The following SYTL4 variants were observed in gnomAD, a reference collection of about 807,000 sequenced individuals.
SYTL4 encodes the protein synaptotagmin like 4.
Under a neutral mutation model 52.7 loss-of-function variants are expected in SYTL4, and 16 were observed. That is an observed-to-expected ratio of 0.30 (90% CI 0.21 to 0.46). The LOEUF is 0.46. Among genes scored for constraint, SYTL4 ranks in the 20% least tolerant of loss-of-function variants. The pLI is 1.00. For synonymous variants in SYTL4, 160 were observed against 186.6 expected (o/e 0.86, Z 1.16); for missense variants, 423 against 519.9 (o/e 0.81, Z 1.81).
chrX:100,722,428 C>T (rs1436668931), intron 2 of SYTL4, among the ~76,000 whole-genome samples: 1 of 111,679 alleles, frequency 9.0e-6, no homozygotes, highest in Admixed American at 9.5e-5. Flanking sequence ...CCCATCTTAA[C>T]CCCTGCTCTA....
At chrX:100,681,512 C>T (rs2083375067) in intron 16 of SYTL4, among the ~76,000 whole-genome samples, 177 bp from the exon 17 acceptor site, 1 of 111,690 alleles carries the variant, frequency 9.0e-6, no homozygotes, top group Non-Finnish European at 1.9e-5. Flanking sequence ...GTTTCTATGG[C>T]AGTTTCTTTA....
chrX:100,692,357 A>AT (rs2083614984), intron 8 of SYTL4, among the ~76,000 whole-genome samples: 1 of 112,698 alleles, frequency 8.9e-6, no homozygotes, highest in Non-Finnish European at 1.9e-5. Context: ...GTGACCACGT[A>AT]TCTTATTTAC....
rs769194042 is a variant in SYTL4, at chrX:100,715,945, C to CA, written c.-239-11060dup. ...AGAATAAGACCTTTTCTCTCTCTCT[C>CA]AAAAAAAAAAAAAAAAAAAAAAGTG... On this transcript the variant is annotated intron_variant, in intron 2 of 19. Coordinates refer to ENST00000372989, the MANE Select transcript of SYTL4 (RefSeq NM_001370165.1). Among the ~76,000 whole-genome samples, 247 of 53,507 alleles carry CA rather than the reference C, an allele frequency of 4.6e-3. 1 individual carries two copies. Among genetic ancestry groups the CA allele is most frequent in the African/African-American group, 7.8e-3 (138 of 17,643 alleles). The allele number at this position is 53,507 out of a possible 115,157, so 46.5% of individuals were successfully genotyped here. A position where few individuals can be genotyped will look rare whatever the true frequency, so the allele number is the denominator to read the frequency against.
chrX:100,724,632 T>C (rs1460728852), intron 2 of SYTL4, among the ~76,000 whole-genome samples: 24 of 97,312 alleles, frequency 2.5e-4, no homozygotes, highest in East Asian at 6.3e-4. Context: ...GGATTAAGGG[T>C]GGTGCAAGAG....
Position 100,707,145 on chromosome X carries a change from T to C in SYTL4, c.-239-2259A>G, listed in dbSNP as rs150581194. ...AAAAAGTCTATATCCAACTGGAGAA[T>C]TACATTATTTTCAAGCACATATAGA... On this transcript the variant is annotated intron_variant, in intron 2 of 19. Transcript: ENST00000372989. Among the ~76,000 whole-genome samples the C allele has an allele frequency of 9.5e-3, 1,057 of 111,731 alleles. 16 individuals are homozygous for C. The highest frequency in any genetic ancestry group is 0.032 in the African/African-American group (997 of 30,832).
chrX:100,720,755 C>T (rs2084324558), intron 2 of SYTL4, among the ~76,000 whole-genome samples: 1 of 112,115 alleles, frequency 8.9e-6, no homozygotes, highest in Non-Finnish European at 1.9e-5. Flanking sequence ...TAAAAAATAA[C>T]CTGTAGTTGA....
chrX:100,709,679 T>G (rs2084027980), intron 2 of SYTL4, among the ~76,000 whole-genome samples: 1 of 112,494 alleles, frequency 8.9e-6, no homozygotes, highest in Admixed American at 9.4e-5. Flanking sequence ...CTTGTTTTTA[T>G]AAAGATTAAA....
At position 100,675,918 on chromosome X, in the gene SYTL4, A is replaced by ACG. The variant is rs1436222003; in HGVS notation, c.*109_*110insCG. 3.4e-5 allele frequency: 23 copies of ACG among 680,920 alleles called. No individual in the cohort carries two copies. Among genetic ancestry groups the ACG allele is most frequent in the Middle Eastern group, 8.3e-4 (2 of 2,398 alleles). The allele number at this position is 680,920 out of a possible 1,213,427, so 56.1% of individuals were successfully genotyped here. A position where few individuals can be genotyped will look rare whatever the true frequency, so the allele number is the denominator to read the frequency against. On this transcript the variant is annotated 3_prime_UTR_variant, in exon 20 of 20. Transcript: ENST00000372989. ...CATACACACACACACACACACACAC[A>ACG]CATACACACATACACACATACACAT...
chrX:100,730,087 G>A (rs1005329763), intron 2 of SYTL4, among the ~76,000 whole-genome samples: 2 of 110,723 alleles, frequency 1.8e-5, no homozygotes, highest in African/African-American at 3.3e-5. Context: ...GCCAGCAGGA[G>A]AGGAAGAAGT....
intron 8 of SYTL4, among the ~76,000 whole-genome samples, chrX:100,691,993 T>C: frequency 8.9e-6 from 1 of 111,943 alleles, no homozygotes; most frequent in Non-Finnish European, 1.9e-5. Context: ...CTTTATATTT[T>C]AGAAAGACAA....
Position 100,687,718 on chromosome X carries a change from T to C in SYTL4, c.1006-473A>G, listed in dbSNP as rs147985557. On this transcript the variant is annotated intron_variant, in intron 13 of 19. Coordinates refer to ENST00000372989, the MANE Select transcript of SYTL4 (RefSeq NM_001370165.1). ...AAAGAGATTTGGCCAGAACTGGGAG[T>C]GAGTGGGAGGGAGGAAACCCCACCA... 2,004 of 114,576 alleles carry C rather than the reference T, an allele frequency of 0.017. 98 individuals are homozygous for C. In the East Asian group the frequency reaches 0.24, roughly 14 times the overall value. The allele number at this position is 114,576 out of a possible 1,213,427, so 9.4% of individuals were successfully genotyped here.
chrX:100,724,715 C>T (rs757493242), intron 2 of SYTL4, among the ~76,000 whole-genome samples: 94 of 105,455 alleles, frequency 8.9e-4, no homozygotes, highest in Admixed American at 4.2e-3. Context: ...TCTCAAGTAC[C>T]CAGGGACACA....
intron 8 of SYTL4, among the ~76,000 whole-genome samples, chrX:100,695,032 C>T (rs1471063084): frequency 9.7e-6 from 1 of 102,754 alleles, no homozygotes; most frequent in Non-Finnish European, 2.0e-5. Flanking sequence ...CCCCCACCCC[C>T]GCCAAAAAAA....
chrX:100,686,320 A>G (rs2083473045), intron 15 of SYTL4, 169 bp from the exon 16 acceptor site: 5 of 467,980 alleles, frequency 1.1e-5, no homozygotes, highest in Admixed American at 4.4e-5. Flanking sequence ...AACTTAACTC[A>G]TTTTATAAAA....
At chrX:100,686,202 A>C (rs748961785) in intron 15 of SYTL4, 51 bp from the exon 16 acceptor site, 1 of 1,114,819 alleles carries the variant, frequency 9.0e-7, no homozygotes, top group Non-Finnish European at 1.2e-6. Flanking sequence ...GTAATTCTTC[A>C]GACAAGATTA....
chrX:100,723,778 G>A (rs1217184822), intron 2 of SYTL4, among the ~76,000 whole-genome samples: 2 of 104,025 alleles, frequency 1.9e-5, no homozygotes, highest in South Asian at 4.6e-4. Flanking sequence ...CAGCCGCACC[G>A]TCTGAGAAGT....
intron 19 of SYTL4, 79 bp downstream of exon 19, chrX:100,678,312 G>GTT: frequency 2.8e-6 from 2 of 721,095 alleles, no homozygotes; most frequent in Non-Finnish European, 4.2e-6. Flanking sequence ...GGAGCTTTGT[G>GTT]TTGGGGGGCG....
At chrX:100,694,368 C>G (rs532021737) in intron 8 of SYTL4, among the ~76,000 whole-genome samples, 4 of 111,287 alleles carry the variant, frequency 3.6e-5, no homozygotes, top group African/African-American at 1.3e-4. Context: ...TTTCAGATTA[C>G]TCAAAAGTGC....
intron 15 of SYTL4, chrX:100,686,413 T>G (rs1171365780): frequency 1.0e-5 from 4 of 381,662 alleles, no homozygotes; most frequent in Non-Finnish European, 1.3e-5. Flanking sequence ...CAAAAAGAAC[T>G]GCCAAGGAGA....
Sources: allele counts gnomAD v4.1 joint callset (sites outside exome capture counted in the v4.1 genomes callset), GRCh38; gene constraint gnomAD v4.1.1; transcripts MANE v1.5; gene names NCBI Gene and HGNC (gene_info 2026-07-23, HGNC 2026-07-21).